MSH3: variants seen among roughly 807,000 people sequenced by gnomAD.
MSH3 encodes the protein mutS homolog 3, also known as DNA mismatch repair protein Msh3.
A neutral mutation model predicts 123.3 loss-of-function variants in MSH3; 106 were observed. That is an observed-to-expected ratio of 0.86 (90% CI 0.73 to 1.01). The LOEUF is 1.01. Ranked by LOEUF, MSH3 falls within the 50% of genes least tolerant of loss-of-function variation. The pLI is 0.00. For synonymous variants in MSH3, 515 were observed against 481.4 expected, an observed-to-expected ratio of 1.07 and a Z score of -0.91; for missense variants, 1,459 against 1,347.6, an observed-to-expected ratio of 1.08 and a Z score of -1.29.
chr5:80,768,905 A>T lies in MSH3; in HGVS notation c.2155A>T (p.Ile719Phe), dbSNP rs763245421. 3 of 1,612,394 alleles carry T rather than the reference A, an allele frequency of 1.9e-6. No individual in the cohort carries two copies. Among genetic ancestry groups the T allele is most frequent in the Non-Finnish European group, 2.5e-6 (3 of 1,178,678 alleles). ...FPLIKKRKDEIQGVIDEIRMH... is the reference protein window; with the variant it reads ...FPLIKKRKDEFQGVIDEIRMH... ...TTTAATAAAAAAGAGGAAGGATGAA[A>T]TTCAAGGTGTTATTGACGAGATCCG... is the stretch of plus-strand genomic sequence containing the variant. The change falls in exon 15 of 24, where the codon ATT becomes TTT. Residue 719 changes from isoleucine (I) to phenylalanine (F), a missense_variant. Coordinates refer to ENST00000265081, the MANE Select transcript of MSH3 (RefSeq NM_002439.5).
rs532909851 is a variant in MSH3 at position 80,840,069 on chromosome 5, GTTC to G, written c.2814-14053_2814-14051del. 1.6e-3 allele frequency among the ~76,000 whole-genome samples: 236 copies of G among 152,214 alleles called. 1 individual carries two copies. Among genetic ancestry groups the G allele is most frequent in the Admixed American group, 5.5e-3 (84 of 15,274 alleles). The stretch of plus-strand genomic sequence containing the variant: ...TTTTTTATCAATTCAAGCTTGAGCC[GTTC>G]TTCTTCTCAGCTTCCAGTTTCTAAA... On this transcript the variant is annotated intron_variant, in intron 20 of 23. Transcript: ENST00000265081.
chr5:80,827,087 A>G (rs1191352961), intron 20 of MSH3, among the ~76,000 whole-genome samples: 2 of 152,196 alleles, frequency 1.3e-5, no homozygotes, highest in Admixed American at 1.3e-4. Flanking sequence ...GATGAATATA[A>G]ACTTAAATCT....
At chr5:80,864,745 G>A (rs1236232726) in intron 21 of MSH3, 68 bp from the exon 22 acceptor site, 1 of 1,429,444 alleles carries the variant, frequency 7.0e-7, no homozygotes, top group East Asian at 2.5e-5. Flanking sequence ...AAAAGAAAGT[G>A]GAAGACAGAT....
chr5:80,863,790 C>G (rs1272927121), intron 21 of MSH3, among the ~76,000 whole-genome samples: 3 of 151,992 alleles, frequency 2.0e-5, no homozygotes, highest in African/African-American at 4.8e-5. Context: ...ATGTGAAGAC[C>G]TGGGATTAAT....
intron 20 of MSH3, among the ~76,000 whole-genome samples, chr5:80,848,263 A>G (rs1301972920): frequency 6.6e-6 from 1 of 152,200 alleles, no homozygotes; most frequent in Non-Finnish European, 1.5e-5. Flanking sequence ...GCTTGGTCCT[A>G]TACAGCATCG....
chr5:80,775,896 T>G, intron 16 of MSH3, 138 bp downstream of exon 16: 2 of 623,704 alleles, frequency 3.2e-6, no homozygotes, highest in Non-Finnish European at 5.7e-6. Context: ...GGAACTTTTT[T>G]TTTTTTTGGA....
chr5:80,814,618 C>A (rs1561487054), intron 20 of MSH3, among the ~76,000 whole-genome samples: 1 of 152,194 alleles, frequency 6.6e-6, no homozygotes, highest in Non-Finnish European at 1.5e-5. Context: ...AATATTTAAG[C>A]AGATAAAAAC....
chr5:80,744,656 A>G (rs1361304894), intron 12 of MSH3, 41 bp downstream of exon 12: 1 of 1,464,376 alleles, frequency 6.8e-7, no homozygotes, highest in East Asian at 2.3e-5. Flanking sequence ...CTGAAATTAT[A>G]AAATTTTGAA....
chr5:80,813,880 G>A (rs957624610), intron 20 of MSH3, 139 bp downstream of exon 20: 1 of 971,312 alleles, frequency 1.0e-6, no homozygotes, highest in African/African-American at 1.6e-5. Flanking sequence ...TTATTTCAAG[G>A]CCGGGCACGG....
intron 4 of MSH3, 124 bp from the exon 5 acceptor site, chr5:80,672,120 A>C (rs762434603): frequency 2.7e-6 from 2 of 739,464 alleles, no homozygotes; most frequent in Non-Finnish European, 4.6e-6. Context: ...GACATAGTAC[A>C]CATTTAGATT....
intron 20 of MSH3, among the ~76,000 whole-genome samples, chr5:80,829,069 G>T (rs1055872938): frequency 1.3e-5 from 2 of 152,152 alleles, no homozygotes; most frequent in African/African-American, 4.8e-5. Flanking sequence ...TTTTTGCTTG[G>T]CATTAATCCA....
At chr5:80,688,737 G>A (rs1750153188) in intron 8 of MSH3, among the ~76,000 whole-genome samples, 1 of 145,310 alleles carries the variant, frequency 6.9e-6, no homozygotes, top group East Asian at 1.9e-4. Flanking sequence ...TTAGTATAAA[G>A]GTTTCAATTT....
chr5:80,703,366 A>G (rs749536227), intron 8 of MSH3, among the ~76,000 whole-genome samples: 5 of 152,184 alleles, frequency 3.3e-5, no homozygotes, highest in African/African-American at 4.8e-5. Context: ...AGATATCACA[A>G]AGTTTACTTG....
chr5:80,829,281 G>C (rs1745378301), intron 20 of MSH3, among the ~76,000 whole-genome samples: 1 of 152,196 alleles, frequency 6.6e-6, no homozygotes. Context: ...TTGAAAAGGA[G>C]TGGTAAGAGG....
chr5:80,813,221 A>G (rs1175898030), intron 19 of MSH3, among the ~76,000 whole-genome samples: 1 of 152,194 alleles, frequency 6.6e-6, no homozygotes, highest in Non-Finnish European at 1.5e-5. Flanking sequence ...CCATGGGCAA[A>G]TAGATATGTA....
chr5:80,656,722 C>T (rs1677667), intron 2 of MSH3, among the ~76,000 whole-genome samples, 191 bp downstream of exon 2: 4 of 152,010 alleles, frequency 2.6e-5, no homozygotes, highest in South Asian at 2.1e-4. Context: ...GGTAGAGCTA[C>T]AATTCTGCAA....
At position 80,813,620 on chromosome 5, in the gene MSH3, A is replaced by T; in HGVS notation, c.2692A>T (p.Asn898Tyr). The T allele has an allele frequency of 6.2e-7, 1 of 1,614,180 alleles. No homozygotes were observed. The highest frequency in any genetic ancestry group is 1.1e-5 in the South Asian group (1 of 91,080). Reference sequence around the variant, plus strand: ...GAGAGTAATGATAATTACCGGACCAAACATGGGTGGAAAGAGCTCCTACAT... The same window carrying T: ...GAGAGTAATGATAATTACCGGACCATACATGGGTGGAAAGAGCTCCTACAT... ...SERVMIITGP[N>Y]MGGKSSYIKQ... The change falls in exon 20 of 24, where the codon AAC (asparagine) becomes TAC (tyrosine). Residue 898 changes from asparagine to tyrosine, a missense_variant. Physicochemically the swap from Asn to Tyr is moderately radical, Grantham distance 143. Transcript: ENST00000265081.
intron 8 of MSH3, among the ~76,000 whole-genome samples, chr5:80,692,661 T>C (rs546376783): frequency 1.4e-4 from 19 of 138,082 alleles, no homozygotes; most frequent in South Asian, 4.6e-4. Flanking sequence ...GATATATATA[T>C]ACACATGTAT....
intron 17 of MSH3, 48 bp downstream of exon 17, chr5:80,778,884 C>A: frequency 9.3e-7 from 1 of 1,070,626 alleles, no homozygotes; most frequent in Non-Finnish European, 1.5e-6. Context: ...CTATCAGAAA[C>A]AGACTGGAAA....
Sources: allele counts gnomAD v4.1 joint callset (sites outside exome capture counted in the v4.1 genomes callset), GRCh38; gene constraint gnomAD v4.1.1; transcripts MANE v1.5; gene names NCBI Gene and HGNC (gene_info 2026-07-23, HGNC 2026-07-21).